Variants in IGF2BP1 observed in about 807,000 individuals in gnomAD.
The protein encoded by IGF2BP1 is insulin-like growth factor 2 mRNA-binding protein 1.
In IGF2BP1, 11 loss-of-function variants were observed where a neutral mutation model predicts 74.9. The observed-to-expected ratio is 0.15, with a 90% CI of 0.09 to 0.24. IGF2BP1 has a LOEUF of 0.24. Among genes scored for constraint, IGF2BP1 ranks in the 10% least tolerant of loss-of-function variants. The pLI, the probability that IGF2BP1 is intolerant of heterozygous loss-of-function variation, is 1.00. For synonymous variants in IGF2BP1, 287 were observed against 281.8 expected (o/e 1.02, Z -0.18); for missense variants, 440 against 757.4 (o/e 0.58, Z 4.92).
At chr17:49,003,498 TTG>T (rs2041509095) in intron 2 of IGF2BP1, among the ~76,000 whole-genome samples, 1 of 152,110 alleles carries the variant, frequency 6.6e-6, no homozygotes, top group Non-Finnish European at 1.5e-5. Flanking sequence ...CTGTTGATTT[TTG>T]TGTGTGGGGT....
intron 11 of IGF2BP1, 62 bp downstream of exon 11, chr17:49,044,148 T>G (rs1361416278): frequency 1.3e-6 from 2 of 1,581,834 alleles, no homozygotes; most frequent in Non-Finnish European, 1.7e-6. Context: ...TTTATCACTC[T>G]GCACTTTCTC....
chr17:49,008,911 T>C (rs1465730322), intron 2 of IGF2BP1, among the ~76,000 whole-genome samples: 3 of 152,100 alleles, frequency 2.0e-5, no homozygotes, highest in Non-Finnish European at 4.4e-5. Context: ...CAGTTATTTT[T>C]ATCTAGTAAG....
At chr17:49,048,809 A>C (rs1009727223) in intron 14 of IGF2BP1, among the ~76,000 whole-genome samples, 2 of 152,102 alleles carry the variant, frequency 1.3e-5, no homozygotes, top group Non-Finnish European at 2.9e-5. Flanking sequence ...AGGGATGCGC[A>C]GTGCATGTGA....
intron 2 of IGF2BP1, among the ~76,000 whole-genome samples, chr17:49,006,030 C>T (rs2041548367): frequency 6.6e-6 from 1 of 152,154 alleles, no homozygotes; most frequent in Non-Finnish European, 1.5e-5. Flanking sequence ...CCACTGCACT[C>T]CAGCTTGGGT....
chr17:49,027,151 C>T (rs1412019907), intron 4 of IGF2BP1, among the ~76,000 whole-genome samples: 1 of 152,192 alleles, frequency 6.6e-6, no homozygotes, highest in Non-Finnish European at 1.5e-5. Flanking sequence ...CTCCTGGCCT[C>T]GGCTTCGGAT....
intron 2 of IGF2BP1, among the ~76,000 whole-genome samples, chr17:49,002,952 G>C (rs976415579): frequency 6.6e-6 from 1 of 152,110 alleles, no homozygotes; most frequent in Admixed American, 6.5e-5. Context: ...CTGTCCCTTA[G>C]AAGAATTGTA....
chr17:48,999,284 C>T (rs2041454637), intron 2 of IGF2BP1, 115 bp downstream of exon 2: 2 of 672,332 alleles, frequency 3.0e-6, no homozygotes, highest in African/African-American at 1.9e-5. Flanking sequence ...GTCTTTCCCA[C>T]CCCCAACTCC....
intron 2 of IGF2BP1, among the ~76,000 whole-genome samples, chr17:49,019,579 G>C (rs923459164): frequency 6.6e-6 from 1 of 151,960 alleles, no homozygotes; most frequent in African/African-American, 2.4e-5. Context: ...TGCATATGTA[G>C]TCTGTTGTCA....
intron 5 of IGF2BP1, chr17:49,036,378 A>G (rs779155065): frequency 6.6e-6 from 1 of 152,140 alleles, no homozygotes; most frequent in Non-Finnish European, 1.5e-5. Context: ...CACATATACT[A>G]AAATTGGAAC....
At chr17:49,041,554 G>A in intron 8 of IGF2BP1, 54 bp downstream of exon 8, 2 of 1,607,106 alleles carry the variant, frequency 1.2e-6, no homozygotes, top group Non-Finnish European at 1.7e-6. Flanking sequence ...TGGGGGCCAG[G>A]GTCAGTATTT....
intron 1 of IGF2BP1, 122 bp downstream of exon 1, chr17:48,998,042 T>G (rs1000911784): frequency 3.3e-5 from 36 of 1,093,698 alleles, no homozygotes; most frequent in Non-Finnish European, 4.3e-5. Flanking sequence ...TTGGCCTCCG[T>G]ACCCACCCTC....
rs1212209554 is a variant in IGF2BP1 at position 49,050,972 on chromosome 17, A to G, written c.*1528A>G. ...GAGGAAGGCCTCTCTACATATGGAAAAGCCCATGCGTGGAGTTCCCCTCCT... is the reference window on the plus strand; with the variant it reads ...GAGGAAGGCCTCTCTACATATGGAAGAGCCCATGCGTGGAGTTCCCCTCCT... On this transcript the variant is annotated 3_prime_UTR_variant, in exon 15 of 15. Transcript: ENST00000290341. The G allele has an allele frequency of 1.3e-5, 2 of 152,598 alleles. No homozygotes were observed. Among genetic ancestry groups the G allele is most frequent in the Non-Finnish European group, 2.9e-5 (2 of 68,036 alleles). The allele number at this position is 152,598 out of a possible 1,614,324, so 9.5% of individuals were successfully genotyped here. A position where few individuals can be genotyped will look rare whatever the true frequency, so the allele number is the denominator to read the frequency against.
At chr17:49,011,072 A>G (rs2041611385) in intron 2 of IGF2BP1, among the ~76,000 whole-genome samples, 1 of 124,538 alleles carries the variant, frequency 8.0e-6, no homozygotes, top group African/African-American at 3.0e-5. Flanking sequence ...CGGGAGGTGG[A>G]GGTTGCAGTG....
intron 2 of IGF2BP1, among the ~76,000 whole-genome samples, chr17:49,016,810 TCCTCCTGCCCCC>T (rs1171694350): frequency 1.1e-4 from 1 of 9,228 alleles, no homozygotes; most frequent in East Asian, 4.2e-3. Context: ...CGCCCCCCTG[TCCTCCTGCCCCC>T]CCGCCTGTCC....
At position 49,014,390 on chromosome 17, in the gene IGF2BP1, C is replaced by A. The variant is rs914099227; in HGVS notation, c.237-11228C>A. 4.6e-5 allele frequency among the ~76,000 whole-genome samples: 7 copies of A among 151,624 alleles called. No homozygotes were observed. In the East Asian group the frequency reaches 9.7e-4, roughly 21 times the overall value. On this transcript the variant is annotated intron_variant, in intron 2 of 14. Transcript: ENST00000290341. ...TTTCCCCTGCTCCACCGCGAGGGGC[C>A]GTGTTCACCGCCTAGGTTCTCTTGG... is the stretch of plus-strand genomic sequence containing the variant.
intron 11 of IGF2BP1, 101 bp downstream of exon 11, chr17:49,044,187 C>G: frequency 2.0e-6 from 3 of 1,471,724 alleles, no homozygotes; most frequent in Non-Finnish European, 1.8e-6. Flanking sequence ...TTTGAGAATT[C>G]TGTGTGTCAT....
intron 2 of IGF2BP1, 105 bp from the exon 3 acceptor site, chr17:49,025,513 A>G: frequency 2.1e-6 from 2 of 944,022 alleles, no homozygotes; most frequent in Non-Finnish European, 3.3e-6. Context: ...GTTGGTGAGC[A>G]GAAGGTGGGG....
chr17:49,020,773 A>G (rs974614465), intron 2 of IGF2BP1, among the ~76,000 whole-genome samples: 1 of 152,084 alleles, frequency 6.6e-6, no homozygotes, highest in Non-Finnish European at 1.5e-5. Context: ...GCGTATTTCC[A>G]TAGTTAGTTG....
In IGF2BP1 at chr17:49,026,537, G is replaced by C; in HGVS notation, c.337+20G>C. ...AGCAAGGTAAGAGTGGGCCGGGTGTGGGGTGGCACTCGTGGTGGGGGTTGG... is the reference window on the plus strand; with the variant it reads ...AGCAAGGTAAGAGTGGGCCGGGTGTCGGGTGGCACTCGTGGTGGGGGTTGG... On this transcript the variant is annotated intron_variant, in intron 4 of 14. Transcript: ENST00000290341. 1 of 1,611,654 alleles carries C rather than the reference G, an allele frequency of 6.2e-7. No homozygotes were observed.
Sources: gnomAD v4.1 joint callset for allele counts (sites outside exome capture counted in the v4.1 genomes callset) on GRCh38, gnomAD v4.1.1 for gene constraint, MANE v1.5 for transcripts, NCBI Gene and HGNC (gene_info 2026-07-23, HGNC 2026-07-21) for gene names.